The following MGLL variants were observed in gnomAD, a reference collection of about 807,000 sequenced individuals.
MGLL encodes the protein monoglyceride lipase, also known as lysophospholipase homolog.
A neutral mutation model predicts 29.1 loss-of-function variants in MGLL; 7 were observed. The observed-to-expected ratio is 0.24, with a 90% CI of 0.14 to 0.45. MGLL has a LOEUF of 0.45. Among genes scored for constraint, MGLL ranks in the 20% least tolerant of loss-of-function variants. The pLI is 0.99. For synonymous variants in MGLL, 148 were observed against 168.3 expected (o/e 0.88, Z 0.93); for missense variants, 356 against 413.6 (o/e 0.86, Z 1.21).
At chr3:127,774,964 G>A (rs1329004580) in intron 3 of MGLL, among the ~76,000 whole-genome samples, 1 of 38,384 alleles carries the variant, frequency 2.6e-5, no homozygotes, top group Non-Finnish European at 6.4e-5. Flanking sequence ...TTTTTGTTTT[G>A]TTCAACAGAG....
intron 3 of MGLL, among the ~76,000 whole-genome samples, chr3:127,754,688 A>G (rs2076627421): frequency 2.0e-5 from 3 of 152,144 alleles, no homozygotes; most frequent in Admixed American, 2.0e-4. Context: ...GTCGGGCAGG[A>G]GGATGGGTTT....
At chr3:127,736,188 GT>G (rs5852520) in intron 3 of MGLL, 917,667 of 1,026,436 alleles carry the variant, frequency 0.89, 410,856 homozygotes, top group African/African-American at 0.98. Flanking sequence ...TGAAATTATT[GT>G]TAAGTATCAC....
intron 3 of MGLL, chr3:127,736,024 C>CT (rs1225791193): frequency 7.2e-7 from 1 of 1,389,576 alleles, no homozygotes; most frequent in East Asian, 2.5e-5. Flanking sequence ...TGGAACAGAC[C>CT]TTTTTATTTT....
chr3:127,783,143 CAAAAAAAAAA>C (rs72041528), intron 2 of MGLL, among the ~76,000 whole-genome samples: 8 of 63,946 alleles, frequency 1.3e-4, no homozygotes, highest in Admixed American at 2.2e-4. Flanking sequence ...GACTCTGTCT[CAAAAAAAAAA>C]AAAAAAAAAA....
intron 6 of MGLL, among the ~76,000 whole-genome samples, chr3:127,709,449 A>G (rs2075666836): frequency 6.6e-6 from 1 of 152,132 alleles, no homozygotes; most frequent in African/African-American, 2.4e-5. Flanking sequence ...CCTGATCTAG[A>G]AAGTCTCTTT....
At chr3:127,754,453 C>T (rs2076620853) in intron 3 of MGLL, among the ~76,000 whole-genome samples, 1 of 151,860 alleles carries the variant, frequency 6.6e-6, no homozygotes, top group African/African-American at 2.4e-5. Flanking sequence ...GCTCCACGCA[C>T]CTCAACTCTA....
rs146991744 is a variant in MGLL, at chr3:127,786,774, G to T, written c.156-4879C>A. Reference sequence around the variant, plus strand: ...ACCACCGACCTCAGAGAGCAATGTCGCGAGGTAAATAAGGAAATGCGGATG... The same window carrying T: ...ACCACCGACCTCAGAGAGCAATGTCTCGAGGTAAATAAGGAAATGCGGATG... On this transcript the variant is annotated intron_variant, in intron 2 of 7. Transcript: ENST00000265052. Among the ~76,000 whole-genome samples, 534 of 152,328 alleles carry T rather than the reference G, an allele frequency of 3.5e-3. 5 individuals carry two copies. Among genetic ancestry groups the T allele is most frequent in the African/African-American group, 0.012 (516 of 41,574 alleles).
chr3:127,773,118 G>C (rs185844828), intron 3 of MGLL, among the ~76,000 whole-genome samples: 40 of 152,380 alleles, frequency 2.6e-4, no homozygotes, highest in Non-Finnish European at 4.3e-4. Context: ...GGGTTACTGA[G>C]ATGGAATGAG....
chr3:127,802,986 CT>C (rs760741626), intron 2 of MGLL, among the ~76,000 whole-genome samples: 221 of 141,526 alleles, frequency 1.6e-3, no homozygotes, highest in East Asian at 3.0e-3. Context: ...CTCTCTCTCT[CT>C]TTTTTTTTTT....
chr3:127,795,032 C>G (rs2077361583), intron 2 of MGLL, among the ~76,000 whole-genome samples: 1 of 152,110 alleles, frequency 6.6e-6, no homozygotes, highest in Admixed American at 6.5e-5. Context: ...GGGTATATAC[C>G]CAAAGGAAAA....
intron 3 of MGLL, among the ~76,000 whole-genome samples, chr3:127,781,479 G>GC (rs1209303331): frequency 6.6e-6 from 1 of 152,138 alleles, no homozygotes; most frequent in Non-Finnish European, 1.5e-5. Context: ...AAAAACCAGG[G>GC]CCCATTTTGA....
At chr3:127,772,013 G>A (rs550515232) in intron 3 of MGLL, among the ~76,000 whole-genome samples, 2 of 152,306 alleles carry the variant, frequency 1.3e-5, no homozygotes, top group East Asian at 3.9e-4. Context: ...GGGCATCTGA[G>A]CTTCGCACTT....
chr3:127,722,077 G>C (rs2075936897), intron 4 of MGLL, among the ~76,000 whole-genome samples: 1 of 152,218 alleles, frequency 6.6e-6, no homozygotes, highest in South Asian at 2.1e-4. Context: ...AAGCACACAG[G>C]GTTTGGGGAC....
Position 127,692,258 on chromosome 3 carries a change from A to T in MGLL, c.882T>A (p.His294Gln). 1 of 1,614,030 alleles carries T rather than the reference A, an allele frequency of 6.2e-7. No homozygotes were observed. Among genetic ancestry groups the T allele is most frequent in the Non-Finnish European group, 8.5e-7 (1 of 1,179,920 alleles). Reference sequence around the variant, plus strand: ...TTTGAGAGACCCACATGTTTATTTCATGGAAGACGGAGTTGGTGACTTCAG... The same window carrying T: ...TTTGAGAGACCCACATGTTTATTTCTTGGAAGACGGAGTTGGTGACTTCAG... ...ELPEVTNSVF[H>Q]EINMWVSQRT... The change falls in exon 8 of 8, where the codon CAT becomes CAA. Residue 294 changes from histidine to glutamine, a missense_variant. Coordinates refer to ENST00000265052, the MANE Select transcript of MGLL (RefSeq NM_007283.7).
In MGLL at chr3:127,692,094, A is replaced by ATTTTTTTT. The variant is rs11433015; in HGVS notation, c.*96_*103dup. ...GTGCTAAGGATTTCTCCAATTTCTG[A>ATTTTTTTT]TTTTTTTTTTTTTTTTTTTTTGGCA... On this transcript the variant is annotated 3_prime_UTR_variant, in exon 8 of 8. Coordinates refer to ENST00000265052, the MANE Select transcript of MGLL (RefSeq NM_007283.7). 190 of 709,144 alleles carry ATTTTTTTT rather than the reference A, an allele frequency of 2.7e-4. 16 individuals are homozygous for ATTTTTTTT. The highest frequency in any genetic ancestry group is 5.1e-4 in the Admixed American group (16 of 31,432). 43.9% of individuals were successfully genotyped at this position (709,144 alleles called of 1,614,324 possible).
chr3:127,761,859 A>G lies in MGLL; in HGVS notation c.262+19930T>C, dbSNP rs928129441. 2.0e-4 allele frequency among the ~76,000 whole-genome samples: 31 copies of G among 152,284 alleles called. No homozygotes were observed. Among genetic ancestry groups the G allele is most frequent in the South Asian group, 6.2e-4 (3 of 4,820 alleles). On this transcript the variant is annotated intron_variant, in intron 3 of 7. Transcript: ENST00000265052. The surrounding 1 kb of genome is among the most constrained non-coding windows in gnomAD (Gnocchi z 4.6). ...TAAATATGCGTAGTGCACCCAGCGC[A>G]CTTGCCGGGGAGTTGTGACTGCATC... is the stretch of plus-strand genomic sequence containing the variant.
chr3:127,711,893 T>C (rs980915244), intron 5 of MGLL: 2 of 152,178 alleles, frequency 1.3e-5, no homozygotes, highest in Non-Finnish European at 2.9e-5. Flanking sequence ...CTGCCTAATT[T>C]TTGTATTTTT....
chr3:127,708,106 G>T (rs1559912398), intron 6 of MGLL, among the ~76,000 whole-genome samples: 1 of 152,214 alleles, frequency 6.6e-6, no homozygotes, highest in Non-Finnish European at 1.5e-5. Context: ...TTTTATAGCT[G>T]CAGGGTTCCA....
intron 7 of MGLL, 105 bp downstream of exon 7, chr3:127,694,870 C>A (rs757214951): frequency 2.5e-5 from 27 of 1,097,438 alleles, no homozygotes; most frequent in Non-Finnish European, 1.4e-6. Context: ...TATCCTGAGA[C>A]CTGGGAGGTG....
Sources: gnomAD v4.1 joint callset for allele counts (sites outside exome capture counted in the v4.1 genomes callset) on GRCh38, gnomAD v4.1.1 for gene constraint, Gnocchi (gnomAD v3.1) non-coding constraint, MANE v1.5 for transcripts, NCBI Gene and HGNC (gene_info 2026-07-23, HGNC 2026-07-21) for gene names.